KIAA1671: variants seen among roughly 807,000 people sequenced by gnomAD.
The protein encoded by KIAA1671 is KIAA1671.
A neutral mutation model predicts 131.2 loss-of-function variants in KIAA1671; 52 were observed. The ratio of observed to expected loss-of-function variants is 0.40; its 90% CI spans 0.32 to 0.50. The LOEUF (loss-of-function observed/expected upper bound fraction) is 0.50, where lower values mean the gene tolerates loss of function less well. Among genes scored for constraint, KIAA1671 ranks in the 20% least tolerant of loss-of-function variants. The probability of loss-of-function intolerance (pLI) is 0.73; values close to 1 mark genes in which losing one functional copy is unlikely to be tolerated. For synonymous variants in KIAA1671, 1,003 were observed against 961.6 expected (o/e 1.04, Z -0.80); for missense variants, 2,360 against 2,364.2 (o/e 1.00, Z 0.04).
intron 6 of KIAA1671, among the ~76,000 whole-genome samples, chr22:25,091,229 T>C (rs143536655): frequency 1.9e-4 from 29 of 152,262 alleles, no homozygotes; most frequent in African/African-American, 6.7e-4. Flanking sequence ...GGCTAATTTT[T>C]GTATTTTTAG....
At chr22:24,976,526 C>G (rs1459504322) in intron 1 of KIAA1671, among the ~76,000 whole-genome samples, 1 of 152,140 alleles carries the variant, frequency 6.6e-6, no homozygotes, top group African/African-American at 2.4e-5. Context: ...TGCGGAAGCC[C>G]AGGAGCTGTC....
chr22:25,039,304 C>T lies in KIAA1671; in HGVS notation c.2174C>T (p.Thr725Ile), dbSNP rs2145804734. 1.3e-6 allele frequency: 2 copies of T among 1,552,194 alleles called. No individual in the cohort carries two copies. The highest frequency in any genetic ancestry group is 1.7e-6 in the Non-Finnish European group (2 of 1,147,104). The change falls in exon 5 of 13, where the codon ACA (threonine) becomes ATA (isoleucine). Residue 725 changes from threonine to isoleucine, a missense_variant. This residue lies in a region of KIAA1671 where 1,185 missense variants were observed against 1,126.2 expected (regional missense o/e 1.05). Transcript: ENST00000358431. ...TFLKHLENPP[T>I]SQRIEPRYDI... is the part of the protein sequence containing the mutation. ...CTCAAACACTTGGAAAATCCTCCCA[C>T]ATCGCAGAGAATTGAGCCCAGATAT...
intron 1 of KIAA1671, among the ~76,000 whole-genome samples, chr22:24,966,966 A>G (rs902975382): frequency 1.4e-4 from 21 of 152,198 alleles, no homozygotes; most frequent in Non-Finnish European, 2.4e-4. Context: ...AAATGAATGA[A>G]CGAATGAATG....
At chr22:25,009,133 C>T (rs181361536) in intron 1 of KIAA1671, among the ~76,000 whole-genome samples, 78 of 152,060 alleles carry the variant, frequency 5.1e-4, no homozygotes, top group African/African-American at 1.8e-3. Flanking sequence ...GAGATGGACC[C>T]GAGACTTCAC....
chr22:25,131,660 T>C (rs912850413), intron 6 of KIAA1671, among the ~76,000 whole-genome samples: 1 of 152,214 alleles, frequency 6.6e-6, no homozygotes, highest in Non-Finnish European at 1.5e-5. Context: ...TCCTGTTTTG[T>C]TTGTCGTGTG....
chr22:25,126,930 A>G (rs1327007477), intron 6 of KIAA1671, among the ~76,000 whole-genome samples: 1 of 152,188 alleles, frequency 6.6e-6, no homozygotes, highest in Non-Finnish European at 1.5e-5. Flanking sequence ...AAGTGAGCAT[A>G]TGTGTATCCC....
At position 24,986,824 on chromosome 22, in the gene KIAA1671, C is replaced by T. The variant is rs371572595; in HGVS notation, c.-208+34052C>T. On this transcript the variant is annotated intron_variant, in intron 1 of 12. Coordinates refer to ENST00000358431, the MANE Select transcript of KIAA1671 (RefSeq NM_001145206.2). ...TGTTATCTGATCATCTGTCAAGGCC[C>T]TGACCCCTTTCAGGCACTAGGGAGC... is the stretch of plus-strand genomic sequence containing the variant. Among the ~76,000 whole-genome samples the T allele has an allele frequency of 2.8e-4, 42 of 152,112 alleles. 5 individuals are homozygous for T. The highest frequency in any genetic ancestry group is 2.0e-3 in the Admixed American group (30 of 15,270).
intron 3 of KIAA1671, among the ~76,000 whole-genome samples, chr22:25,029,757 C>T (rs1926175836): frequency 6.6e-6 from 1 of 152,230 alleles, no homozygotes; most frequent in Non-Finnish European, 1.5e-5. Context: ...GGGCCCGGAG[C>T]CCAATTTTCA....
chr22:24,975,813 G>A (rs1009243102), intron 1 of KIAA1671, among the ~76,000 whole-genome samples: 1 of 152,094 alleles, frequency 6.6e-6, no homozygotes, highest in Non-Finnish European at 1.5e-5. Context: ...GGTGCAGAGC[G>A]GGGGATCCAA....
At chr22:24,987,765 G>A (rs947328500) in intron 1 of KIAA1671, among the ~76,000 whole-genome samples, 2 of 152,214 alleles carry the variant, frequency 1.3e-5, no homozygotes, top group African/African-American at 2.4e-5. Context: ...CTAAATGACA[G>A]CTAGTCTGAT....
chr22:25,126,699 G>A (rs534410071), intron 6 of KIAA1671, among the ~76,000 whole-genome samples: 35 of 152,268 alleles, frequency 2.3e-4, no homozygotes, highest in Middle Eastern at 3.4e-3. Context: ...AGAGACCTGT[G>A]CAAGGTCACA....
At chr22:25,037,896 G>A (rs985548670) in intron 4 of KIAA1671, among the ~76,000 whole-genome samples, 12 of 152,028 alleles carry the variant, frequency 7.9e-5, no homozygotes, top group Admixed American at 1.3e-4. Context: ...CTGGAGTGCA[G>A]TGGCACGACC....
In KIAA1671 at chr22:25,195,805, C is replaced by A. The variant is rs1934807725; in HGVS notation, c.*3404C>A. ...ATTGCAAACTGTAAAAATCCCTCCT[C>A]CCCAGTGTAGATATTTAAACCAGAG... On this transcript the variant is annotated 3_prime_UTR_variant, in exon 13 of 13. Transcript: ENST00000358431. 1 of 150,944 alleles carries A rather than the reference C, an allele frequency of 6.6e-6. No homozygotes were observed. Among genetic ancestry groups the A allele is most frequent in the South Asian group, 2.1e-4 (1 of 4,730 alleles). 9.4% of individuals were successfully genotyped at this position (150,944 alleles called of 1,614,324 possible). A position where few individuals can be genotyped will look rare whatever the true frequency, so the allele number is the denominator to read the frequency against.
intron 6 of KIAA1671, among the ~76,000 whole-genome samples, chr22:25,096,295 G>A (rs1308200074): frequency 3.9e-5 from 6 of 152,216 alleles, no homozygotes; most frequent in Non-Finnish European, 7.3e-5. Flanking sequence ...TGGGGTCAGG[G>A]TGGCAGTGGC....
At chr22:25,063,819 T>C (rs571009784) in intron 6 of KIAA1671, 1 of 152,348 alleles carries the variant, frequency 6.6e-6, no homozygotes, top group South Asian at 2.1e-4. Context: ...GTTATGGGTA[T>C]TGGGACACCT....
chr22:25,170,264 T>C lies in KIAA1671; in HGVS notation c.4531-556T>C, dbSNP rs150082612. On this transcript the variant is annotated intron_variant, in intron 6 of 12. Transcript: ENST00000358431. ...TTTATCATCTGTAAAATGGGGATCG[T>C]AATAAGATCCACCCCATGGGATTGT... Among the ~76,000 whole-genome samples the C allele has an allele frequency of 2.0e-4, 31 of 152,270 alleles. No homozygotes were observed. In the East Asian group the frequency reaches 5.0e-3, roughly 25 times the overall value.
intron 3 of KIAA1671, among the ~76,000 whole-genome samples, chr22:25,032,117 C>T (rs1926327038): frequency 6.6e-6 from 1 of 152,222 alleles, no homozygotes; most frequent in African/African-American, 2.4e-5. Context: ...CATTCCCTGA[C>T]AGCCCACTAC....
At chr22:24,969,949 A>C (rs982125682) in intron 1 of KIAA1671, among the ~76,000 whole-genome samples, 2 of 152,236 alleles carry the variant, frequency 1.3e-5, no homozygotes, top group African/African-American at 4.8e-5. Context: ...AACAGGCTTC[A>C]GAGAAGACCC....
intron 6 of KIAA1671, among the ~76,000 whole-genome samples, chr22:25,076,699 A>G (rs1334660416): frequency 6.6e-6 from 1 of 152,192 alleles, no homozygotes; most frequent in African/African-American, 2.4e-5. Flanking sequence ...TGGCCTTGCT[A>G]GGGGCATCAA....
Sources: allele counts gnomAD v4.1 joint callset (sites outside exome capture counted in the v4.1 genomes callset), GRCh38; gene constraint gnomAD v4.1.1; regional missense constraint gnomAD v4.1.1; transcripts MANE v1.5; gene names NCBI Gene and HGNC (gene_info 2026-07-23, HGNC 2026-07-21).